The following FANCC variants were observed in gnomAD, a reference collection of about 807,000 sequenced individuals.
FANCC encodes Fanconi anemia group C protein.
FANCC carries 55 observed loss-of-function variants against 71.3 expected under a neutral mutation model. That is an observed-to-expected ratio of 0.77 (90% CI 0.62 to 0.97). The LOEUF (loss-of-function observed/expected upper bound fraction) is 0.97, where lower values mean the gene tolerates loss of function less well. Ranked by LOEUF, FANCC falls within the 50% of genes least tolerant of loss-of-function variation. The probability of loss-of-function intolerance (pLI) is 0.00; values close to 1 mark genes in which losing one functional copy is unlikely to be tolerated. For missense variants in FANCC, 678 were observed against 670.9 expected (o/e 1.01, Z -0.12); for synonymous variants, 275 against 244.9 (o/e 1.12, Z -1.15).
intron 4 of FANCC, 49 bp downstream of exon 4, chr9:95,240,600 A>T (rs767956207): frequency 7.0e-7 from 1 of 1,438,074 alleles, no homozygotes; most frequent in Admixed American, 1.7e-5. Flanking sequence ...AGCACTTTTA[A>T]ATAATCAATT....
chr9:95,276,181 C>T (rs532658840), intron 1 of FANCC, among the ~76,000 whole-genome samples: 1 of 152,274 alleles, frequency 6.6e-6, no homozygotes, highest in South Asian at 2.1e-4. Context: ...CTCCTCCTAA[C>T]CCAACCACCA....
At chr9:95,283,174 G>A (rs1166166898) in intron 1 of FANCC, among the ~76,000 whole-genome samples, 3 of 152,260 alleles carry the variant, frequency 2.0e-5, no homozygotes, top group Admixed American at 6.5e-5. Context: ...CCTCAAACTC[G>A]TGGGCTCAAG....
intron 10 of FANCC, chr9:95,123,832 G>A (rs1309101855): frequency 1.2e-5 from 8 of 660,744 alleles, no homozygotes; most frequent in Admixed American, 1.8e-5. Context: ...TTAGACCTGC[G>A]GATGCTGCCC....
intron 1 of FANCC, among the ~76,000 whole-genome samples, chr9:95,265,472 C>T (rs1353292032): frequency 6.6e-6 from 1 of 152,164 alleles, no homozygotes; most frequent in Non-Finnish European, 1.5e-5. Context: ...AAATCTCTGA[C>T]CTTGTTCTCC....
Position 95,100,502 on chromosome 9 carries a change from G to GC in FANCC, c.*1204dup. On this transcript the variant is annotated 3_prime_UTR_variant, in exon 15 of 15. Coordinates refer to ENST00000289081, the MANE Select transcript of FANCC (RefSeq NM_000136.3). Reference sequence around the variant, plus strand: ...TACACACAAATCAAAATGGACAAAAGCAAGTCTTGACTCACTTGACAAACA... The same window carrying GC: ...TACACACAAATCAAAATGGACAAAAGCCAAGTCTTGACTCACTTGACAAACA... 4.3e-6 allele frequency: 1 copy of GC among 232,080 alleles called. No homozygotes were observed. The highest frequency in any genetic ancestry group is 8.5e-6 in the Non-Finnish European group (1 of 117,288). 14.4% of individuals were successfully genotyped at this position (232,080 alleles called of 1,614,324 possible).
At chr9:95,234,311 T>C (rs1306663528) in intron 4 of FANCC, among the ~76,000 whole-genome samples, 1 of 152,234 alleles carries the variant, frequency 6.6e-6, no homozygotes, top group Non-Finnish European at 1.5e-5. Context: ...TATTCAAAAA[T>C]TTATGCCGTG....
intron 1 of FANCC, among the ~76,000 whole-genome samples, chr9:95,256,108 A>C (rs1688716601): frequency 6.6e-6 from 1 of 152,210 alleles, no homozygotes; most frequent in Non-Finnish European, 1.5e-5. Flanking sequence ...ACCAAGTTGG[A>C]AAACACTCTT....
Position 95,247,513 on chromosome 9 carries a change from A to T in FANCC, c.169T>A (p.Ser57Thr). The stretch of plus-strand genomic sequence containing the variant: ...GGGAATCTTTCAATGACTGTATTAG[A>T]ATCCTGTGAAAGAAAAATAAATTTT... ...KMYEALKEMD[S>T]NTVIERFPTI... is the part of the protein sequence containing the mutation. The change falls in exon 3 of 15, where the codon TCT becomes ACT. Residue 57 changes from serine to threonine, a missense_variant. Transcript: ENST00000289081. The T allele has an allele frequency of 1.2e-6, 2 of 1,611,910 alleles. No homozygotes were observed. The highest frequency in any genetic ancestry group is 1.7e-6 in the Non-Finnish European group (2 of 1,178,228).
At chr9:95,165,831 T>C (rs1831033907) in intron 6 of FANCC, among the ~76,000 whole-genome samples, 2 of 152,074 alleles carry the variant, frequency 1.3e-5, no homozygotes, top group South Asian at 2.1e-4. Flanking sequence ...TATTTTTTTA[T>C]TGGTCTTCAG....
intron 1 of FANCC, among the ~76,000 whole-genome samples, chr9:95,292,075 T>C (rs1834054803): frequency 7.0e-6 from 1 of 142,408 alleles, no homozygotes; most frequent in African/African-American, 2.6e-5. Flanking sequence ...CAAAATATAC[T>C]ACAAAGCTAT....
intron 1 of FANCC, among the ~76,000 whole-genome samples, chr9:95,302,067 G>C (rs2136368294): frequency 7.7e-6 from 1 of 129,292 alleles, no homozygotes; most frequent in Non-Finnish European, 1.6e-5. Context: ...GGGAGACAGA[G>C]TGAGACTCCA....
At chr9:95,285,405 G>A (rs183463153) in intron 1 of FANCC, among the ~76,000 whole-genome samples, 159 of 152,006 alleles carry the variant, frequency 1.0e-3, no homozygotes, top group African/African-American at 3.8e-3. Context: ...CAATAAAAAA[G>A]CAAAAATAAT....
At chr9:95,122,639 A>G (rs2072976131) in intron 10 of FANCC, among the ~76,000 whole-genome samples, 1 of 152,204 alleles carries the variant, frequency 6.6e-6, no homozygotes, top group African/African-American at 2.4e-5. Context: ...AAGCAACTGC[A>G]ACATCAGTCC....
At position 95,107,169 on chromosome 9, in the gene FANCC, G is replaced by A. The variant is rs1201570885; in HGVS notation, c.1430C>T (p.Thr477Ile). ...LQTVAGQGTDTDLRAPAQQLI... is the reference protein window; with the variant it reads ...LQTVAGQGTDIDLRAPAQQLI... ...CTGTTGTGCAGGAGCTCTGAGGTCT[G>A]TGTCTGTGCCCTGTCCTGCTACCGT... The change falls in exon 14 of 15, where the codon ACA becomes ATA. Residue 477 changes from threonine (T) to isoleucine (I), a missense_variant. Physicochemically the swap from Thr to Ile is moderately conservative, Grantham distance 89. Coordinates refer to ENST00000289081, the MANE Select transcript of FANCC (RefSeq NM_000136.3). 6.2e-7 allele frequency: 1 copy of A among 1,614,210 alleles called. No homozygotes were observed. The highest frequency in any genetic ancestry group is 8.5e-7 in the Non-Finnish European group (1 of 1,180,038).
intron 4 of FANCC, among the ~76,000 whole-genome samples, chr9:95,212,951 A>G (rs1335715103): frequency 1.3e-5 from 2 of 152,194 alleles, no homozygotes; most frequent in African/African-American, 2.4e-5. Context: ...GTGCTTCCCA[A>G]CACAGTAGCC....
At chr9:95,262,755 T>A (rs967243183) in intron 1 of FANCC, among the ~76,000 whole-genome samples, 1 of 152,224 alleles carries the variant, frequency 6.6e-6, no homozygotes, top group African/African-American at 2.4e-5. Context: ...AAGTGTGGCA[T>A]ATGCACACAC....
chr9:95,114,393 T>C (rs41309950), intron 12 of FANCC: 1 of 577,988 alleles, frequency 1.7e-6, no homozygotes, highest in Middle Eastern at 4.8e-4. Context: ...GTAGAAAACA[T>C]TTCGATACAG....
rs191725276 is a variant in FANCC, at chr9:95,184,240, T to G, written c.346-12093A>C. On this transcript the variant is annotated intron_variant, in intron 4 of 14. Coordinates refer to ENST00000289081, the MANE Select transcript of FANCC (RefSeq NM_000136.3). ...CATTTATGTTATTATACTGGAATTGTTTACTTAATATCAAAATGCCCAAAC... is the reference window on the plus strand; with the variant it reads ...CATTTATGTTATTATACTGGAATTGGTTACTTAATATCAAAATGCCCAAAC... 8.9e-4 allele frequency among the ~76,000 whole-genome samples: 136 copies of G among 152,276 alleles called. 2 individuals carry two copies. Among genetic ancestry groups the G allele is most frequent in the African/African-American group, 3.1e-3 (130 of 41,550 alleles).
intron 6 of FANCC, among the ~76,000 whole-genome samples, chr9:95,151,912 G>C (rs1830196123): frequency 6.7e-6 from 1 of 148,544 alleles, no homozygotes; most frequent in African/African-American, 2.5e-5. Flanking sequence ...TGGGAGACAA[G>C]AGCGAGACCT....
Sources: allele counts gnomAD v4.1 joint callset (sites outside exome capture counted in the v4.1 genomes callset), GRCh38; gene constraint gnomAD v4.1.1; transcripts MANE v1.5; gene names NCBI Gene and HGNC (gene_info 2026-07-23, HGNC 2026-07-21).